The following MAP7 variants were observed in gnomAD, a reference collection of about 807,000 sequenced individuals.
MAP7 encodes ensconsin.
Under a neutral mutation model 94.8 loss-of-function variants are expected in MAP7, and 52 were observed. That is an observed-to-expected ratio of 0.55 (90% confidence interval 0.44 to 0.69). The LOEUF is 0.69. Among genes scored for constraint, MAP7 ranks in the 30% least tolerant of loss-of-function variants. The pLI, the probability that MAP7 is intolerant of heterozygous loss-of-function variation, is 0.00. For missense variants in MAP7, 940 were observed against 964.6 expected (o/e 0.97, Z 0.34); for synonymous variants, 350 against 357.0 (o/e 0.98, Z 0.22).
chr6:136,487,509 T>C (rs1046057996), intron 1 of MAP7, among the ~76,000 whole-genome samples: 2 of 152,008 alleles, frequency 1.3e-5, no homozygotes, highest in South Asian at 2.1e-4. Context: ...CCAGGAATCC[T>C]GGGTAACATA....
At chr6:136,491,705 T>C (rs549041895) in intron 1 of MAP7, among the ~76,000 whole-genome samples, 1 of 152,360 alleles carries the variant, frequency 6.6e-6, no homozygotes, top group South Asian at 2.1e-4. Flanking sequence ...TGGGTTATAT[T>C]GATTGAATGG....
At chr6:136,403,608 A>T (rs940411740) in intron 3 of MAP7, among the ~76,000 whole-genome samples, 1 of 152,216 alleles carries the variant, frequency 6.6e-6, no homozygotes, top group African/African-American at 2.4e-5. Context: ...TGATCTTCCA[A>T]TGCCACTCTT....
intron 1 of MAP7, among the ~76,000 whole-genome samples, chr6:136,519,574 A>G (rs1825812305): frequency 6.6e-6 from 1 of 152,226 alleles, no homozygotes; most frequent in South Asian, 2.1e-4. Flanking sequence ...TAGGAATATA[A>G]ATGGTAAACA....
intron 1 of MAP7, among the ~76,000 whole-genome samples, chr6:136,487,895 C>T (rs188514661): frequency 6.6e-6 from 1 of 152,260 alleles, no homozygotes; most frequent in Non-Finnish European, 1.5e-5. Context: ...ACACGCACTT[C>T]ATACGCTAAT....
At chr6:136,400,718 A>C (rs947774355) in intron 3 of MAP7, among the ~76,000 whole-genome samples, 2 of 152,222 alleles carry the variant, frequency 1.3e-5, no homozygotes, top group African/African-American at 4.8e-5. Context: ...AGATCAGCAC[A>C]TGGTCTAAAA....
intron 1 of MAP7, among the ~76,000 whole-genome samples, chr6:136,508,240 G>A (rs12175319): frequency 0.12 from 17,546 of 151,916 alleles, 2,525 homozygotes; most frequent in African/African-American, 0.34. Context: ...TGGGAGGATC[G>A]CTTGAGCCTG....
At chr6:136,525,021 C>G (rs1184872435) in intron 1 of MAP7, among the ~76,000 whole-genome samples, 1 of 152,172 alleles carries the variant, frequency 6.6e-6, no homozygotes, top group East Asian at 1.9e-4. Flanking sequence ...GGCCTTAAAG[C>G]TCCTTTTTCA....
intron 1 of MAP7, among the ~76,000 whole-genome samples, chr6:136,431,890 G>A (rs1795052104): frequency 6.6e-6 from 1 of 152,174 alleles, no homozygotes; most frequent in Admixed American, 6.5e-5. Flanking sequence ...GAAGACTGAA[G>A]TGGTTAGGTG....
intron 3 of MAP7, among the ~76,000 whole-genome samples, chr6:136,395,196 G>A (rs1418194959): frequency 6.6e-6 from 1 of 151,160 alleles, no homozygotes; most frequent in Non-Finnish European, 1.5e-5. Flanking sequence ...CAGTGTACTG[G>A]TGTTCCCCTT....
intron 3 of MAP7, among the ~76,000 whole-genome samples, chr6:136,391,414 G>C (rs55790219): frequency 1.5e-5 from 2 of 129,602 alleles, no homozygotes; most frequent in Admixed American, 8.2e-5. Flanking sequence ...GGTCGGGGGA[G>C]GGGGGAGGGA....
chr6:136,506,336 G>T (rs1406425626), intron 1 of MAP7, among the ~76,000 whole-genome samples: 1 of 152,088 alleles, frequency 6.6e-6, no homozygotes, highest in African/African-American at 2.4e-5. Flanking sequence ...GAACGAAGAG[G>T]TCACTAAATA....
At chr6:136,521,135 T>C (rs556759984) in intron 1 of MAP7, among the ~76,000 whole-genome samples, 13 of 152,238 alleles carry the variant, frequency 8.5e-5, no homozygotes, top group African/African-American at 3.1e-4. Context: ...AGGACAAGGG[T>C]GGCTGTGTCT....
chr6:136,359,462 C>G (rs1242417288), intron 15 of MAP7, among the ~76,000 whole-genome samples: 1 of 152,034 alleles, frequency 6.6e-6, no homozygotes, highest in Non-Finnish European at 1.5e-5. Context: ...CTTGAGCAGA[C>G]AGTATGTGAT....
chr6:136,492,389 C>T (rs188770455), intron 1 of MAP7, among the ~76,000 whole-genome samples: 63 of 152,262 alleles, frequency 4.1e-4, no homozygotes, highest in African/African-American at 1.4e-3. Flanking sequence ...TCTTAAACTC[C>T]TGGAACTATG....
intron 1 of MAP7, among the ~76,000 whole-genome samples, chr6:136,485,463 GA>G (rs1196964099): frequency 3.3e-5 from 5 of 151,698 alleles, no homozygotes; most frequent in Admixed American, 1.3e-4. Flanking sequence ...ACATTAATTG[GA>G]AATTTAGGGG....
intron 1 of MAP7, among the ~76,000 whole-genome samples, chr6:136,502,556 C>T (rs553191149): frequency 6.5e-4 from 99 of 152,302 alleles, no homozygotes; most frequent in African/African-American, 2.3e-3. Context: ...CAGGAAGATG[C>T]TTCCAGGATG....
chr6:136,391,540 T>C (rs985018027), intron 3 of MAP7, among the ~76,000 whole-genome samples: 3 of 112,794 alleles, frequency 2.7e-5, no homozygotes, highest in African/African-American at 1.0e-4. Flanking sequence ...ACCCTAAAAC[T>C]TAGAGTATAA....
At chr6:136,383,476 C>G (rs1404665245) in intron 6 of MAP7, among the ~76,000 whole-genome samples, 195 bp downstream of exon 6, 2 of 152,198 alleles carry the variant, frequency 1.3e-5, no homozygotes, top group African/African-American at 4.8e-5. Flanking sequence ...CAGCCAAGTT[C>G]TAAAATGAGA....
intron 1 of MAP7, among the ~76,000 whole-genome samples, chr6:136,426,077 G>C (rs1471635670): frequency 6.6e-6 from 1 of 151,980 alleles, no homozygotes; most frequent in Non-Finnish European, 1.5e-5. Context: ...TCATCTCCTA[G>C]TATGGCCTGA....
Sources: gnomAD v4.1 joint callset for allele counts (sites outside exome capture counted in the v4.1 genomes callset) on GRCh38, gnomAD v4.1.1 for gene constraint, MANE v1.5 for transcripts, NCBI Gene and HGNC (gene_info 2026-07-23, HGNC 2026-07-21) for gene names.